TRIM40: variants seen among roughly 807,000 people sequenced by gnomAD.
TRIM40 encodes the protein tripartite motif containing 40.
In TRIM40, 27 loss-of-function variants were observed where a neutral mutation model predicts 26.1. That is an observed-to-expected ratio of 1.04 (90% CI 0.76 to 1.43). The LOEUF (loss-of-function observed/expected upper bound fraction) is 1.43. TRIM40 is among the 40% of genes most tolerant of loss of function. The pLI is 0.00. For missense variants in TRIM40, 289 were observed against 307.9 expected (o/e 0.94, Z 0.46); for synonymous variants, 114 against 120.0 (o/e 0.95, Z 0.33).
Position 30,147,130 on chromosome 6 carries a change from C to T in TRIM40, c.587C>T (p.Ser196Phe), listed in dbSNP as rs752076047. Residue 196 changes from serine (S) to phenylalanine (F), a missense_variant, in exon 4 of 6, where the codon TCC becomes TTC. Ser to Phe is a radical substitution (Grantham distance 155). Transcript: ENST00000396581. ...GAAGCGGCCAGAATCCTTGACATCT[C>T]CAGGGCAGTAACACAGCTCAGAAGC... is the stretch of plus-strand genomic sequence containing the variant. ...PAEAARILDI[S>F]RAVTQLRSLV... is the part of the protein sequence containing the mutation. 26 of 1,614,220 alleles carry T rather than the reference C, an allele frequency of 1.6e-5. 1 individual carries two copies. The Middle Eastern group carries it at 2.1e-3, about 133-fold the overall frequency.
chr6:30,137,196 C>T lies in TRIM40; in HGVS notation c.160C>T (p.Pro54Ser). 6.2e-7 allele frequency: 1 copy of T among 1,613,032 alleles called. No individual in the cohort carries two copies. The highest frequency in any genetic ancestry group is 1.3e-5 in the African/African-American group (1 of 75,030). ...KASASGVFCC[P>S]LCRKPCSEEV... is the part of the protein sequence containing the mutation. Reference sequence around the variant, plus strand: ...CTCAGCCTCTGGGGTCTTCTGCTGCCCCCTCTGCCGGAAGCCCTGTTCTGA... The same window carrying T: ...CTCAGCCTCTGGGGTCTTCTGCTGCTCCCTCTGCCGGAAGCCCTGTTCTGA... Residue 54 changes from proline (P) to serine (S), a missense_variant, in exon 2 of 6, where the codon CCC becomes TCC. By Grantham distance (74) the Pro-to-Ser change is moderately conservative (BLOSUM62 -1). Transcript: ENST00000396581.
At chr6:30,143,097 T>C (rs955842072) in intron 2 of TRIM40, among the ~76,000 whole-genome samples, 1 of 152,018 alleles carries the variant, frequency 6.6e-6, no homozygotes, top group Non-Finnish European at 1.5e-5. Flanking sequence ...ATCATGACTT[T>C]TGGGGGTTTA....
chr6:30,146,046 A>T lies in TRIM40; in HGVS notation c.398A>T (p.Gln133Leu). Residue 133 changes from glutamine (Q) to leucine (L), a missense_variant, in exon 3 of 6, where the codon CAG becomes CTG. Transcript: ENST00000396581. ...CTCAGAAAGGACATTGCAGAACTTCAGCGGCTCAAGGCTCAGCAGGAGAAG... is the reference window on the plus strand; with the variant it reads ...CTCAGAAAGGACATTGCAGAACTTCTGCGGCTCAAGGCTCAGCAGGAGAAG... ...RKLRKDIAEL[Q>L]RLKAQQEKKL... is the part of the protein sequence containing the mutation. 1 of 1,613,072 alleles carries T rather than the reference A, an allele frequency of 6.2e-7. No individual in the cohort carries two copies. Among genetic ancestry groups the T allele is most frequent in the South Asian group, 1.1e-5 (1 of 91,066 alleles).
At chr6:30,145,023 AT>A (rs1771565625) in intron 2 of TRIM40, among the ~76,000 whole-genome samples, 1 of 152,126 alleles carries the variant, frequency 6.6e-6, no homozygotes, top group South Asian at 2.1e-4. Flanking sequence ...TTGTGGTGAC[AT>A]CACTGTCTTC....
chr6:30,145,938 C>T (rs1562098156), intron 2 of TRIM40, 56 bp from the exon 3 acceptor site: 1 of 1,421,134 alleles, frequency 7.0e-7, no homozygotes, highest in Non-Finnish European at 9.9e-7. Context: ...TTGACTCCTC[C>T]CAGTGGGTGC....
rs2127428738 is a variant in TRIM40 at position 30,147,846 on chromosome 6, C to T, written c.*34C>T. ...TCCCTGGGACACCTCACTTCAGGCTCACCTCAGCCTCCTCTCTCTCCTTCC... is the reference window on the plus strand; with the variant it reads ...TCCCTGGGACACCTCACTTCAGGCTTACCTCAGCCTCCTCTCTCTCCTTCC... On this transcript the variant is annotated 3_prime_UTR_variant, in exon 6 of 6. Transcript: ENST00000396581. 1.3e-6 allele frequency: 2 copies of T among 1,584,488 alleles called. No individual in the cohort carries two copies. The highest frequency in any genetic ancestry group is 2.2e-5 in the East Asian group (1 of 44,722).
chr6:30,137,518 T>C, intron 2 of TRIM40, 137 bp downstream of exon 2: 1 of 759,860 alleles, frequency 1.3e-6, no homozygotes, highest in Non-Finnish European at 2.1e-6. Flanking sequence ...CATCCTGTTT[T>C]GGACCCTTGT....
At chr6:30,145,138 C>A (rs1009424211) in intron 2 of TRIM40, among the ~76,000 whole-genome samples, 2 of 151,948 alleles carry the variant, frequency 1.3e-5, no homozygotes, top group Non-Finnish European at 2.9e-5. Context: ...CTGGAAAGAA[C>A]TTTCAGTTGT....
At chr6:30,146,742 C>G (rs1363023993) in intron 3 of TRIM40, among the ~76,000 whole-genome samples, 4 of 152,204 alleles carry the variant, frequency 2.6e-5, no homozygotes, top group Admixed American at 1.3e-4. Context: ...CTCTGACAGT[C>G]TACCTTTCTA....
In TRIM40 at chr6:30,136,804, AT is replaced by A; in HGVS notation, c.-230del. On this transcript the variant is annotated 5_prime_UTR_variant, in exon 2 of 6. An upstream open reading frame in the 5' UTR loses its in-frame stop. Transcript: ENST00000396581. ...GGGTCCATGTCAAAGCTGATGAGCTATTTCTGAAACTCGTGCAGAATTGTGG... is the reference window on the plus strand; with the variant it reads ...GGGTCCATGTCAAAGCTGATGAGCTATTCTGAAACTCGTGCAGAATTGTGG... The A allele has an allele frequency of 5.4e-6, 3 of 558,632 alleles. No individual in the cohort carries two copies. Among genetic ancestry groups the A allele is most frequent in the Non-Finnish European group, 9.5e-6 (3 of 314,830 alleles). 34.6% of individuals were successfully genotyped at this position (558,632 alleles called of 1,614,324 possible). A position where few individuals can be genotyped will look rare whatever the true frequency, so the allele number is the denominator to read the frequency against.
rs1455683735 is a variant in TRIM40 at position 30,136,944 on chromosome 6, C to T, written c.-93C>T. On this transcript the variant is annotated 5_prime_UTR_variant, in exon 2 of 6. Transcript: ENST00000396581. ...GGCTGCCTCCTTCCGACTGGGCCTTCTTATCTGGGACTGTTGAGGGCAACA... is the reference window on the plus strand; with the variant it reads ...GGCTGCCTCCTTCCGACTGGGCCTTTTTATCTGGGACTGTTGAGGGCAACA... The T allele has an allele frequency of 7.5e-7, 1 of 1,333,158 alleles. No homozygotes were observed. Among genetic ancestry groups the T allele is most frequent in the East Asian group, 2.4e-5 (1 of 41,298 alleles). The allele number at this position is 1,333,158 out of a possible 1,614,324, so 82.6% of individuals were successfully genotyped here. A position where few individuals can be genotyped will look rare whatever the true frequency, so the allele number is the denominator to read the frequency against.
chr6:30,144,430 T>A (rs1212609563), intron 2 of TRIM40, among the ~76,000 whole-genome samples: 1 of 152,062 alleles, frequency 6.6e-6, no homozygotes, highest in Non-Finnish European at 1.5e-5. Context: ...CTTGGAAGCA[T>A]GAGATGGATT....
In TRIM40 at chr6:30,138,860, G is replaced by A. The variant is rs563096172; in HGVS notation, c.345+1479G>A. ...ACATGTTATGATACAGAATGAGAAAGTGGGGAGTCCAGATTAAAAGTGACT... is the reference window on the plus strand; with the variant it reads ...ACATGTTATGATACAGAATGAGAAAATGGGGAGTCCAGATTAAAAGTGACT... On this transcript the variant is annotated intron_variant, in intron 2 of 5. Transcript: ENST00000396581. 5.3e-5 allele frequency among the ~76,000 whole-genome samples: 8 copies of A among 152,306 alleles called. No individual in the cohort carries two copies. In the East Asian group the frequency reaches 1.4e-3, roughly 26 times the overall value.
At chr6:30,143,203 G>T (rs547737644) in intron 2 of TRIM40, among the ~76,000 whole-genome samples, 72 of 152,092 alleles carry the variant, frequency 4.7e-4, no homozygotes, top group African/African-American at 1.7e-3. Flanking sequence ...AACCTCATGT[G>T]CCCTGACTCT....
rs748413092 is a variant in TRIM40, at chr6:30,137,068, A to C, written c.32A>C (p.Glu11Ala). ...CCTTTGCAGAAGGACAACCAGGAGG[A>C]GGGTGTCTGCCCCATCTGCCAGGAG... Reference protein sequence around the residue: MIPLQKDNQEEGVCPICQESL... With the variant: MIPLQKDNQEAGVCPICQESL... Residue 11 changes from glutamate to alanine, a missense_variant, in exon 2 of 6, where the codon GAG becomes GCG. Glu to Ala is a moderately radical substitution (Grantham distance 107). Coordinates refer to ENST00000396581, the MANE Select transcript of TRIM40 (RefSeq NM_001286633.2). 5.1e-5 allele frequency: 83 copies of C among 1,612,904 alleles called. No individual in the cohort carries two copies. The highest frequency in any genetic ancestry group is 3.3e-4 in the Middle Eastern group (2 of 6,084).
chr6:30,138,806 G>T (rs187277465), intron 2 of TRIM40, among the ~76,000 whole-genome samples: 1 of 152,292 alleles, frequency 6.6e-6, no homozygotes, highest in Non-Finnish European at 1.5e-5. Context: ...CAAAGCTGAG[G>T]TAGCTTTGAG....
intron 2 of TRIM40, among the ~76,000 whole-genome samples, chr6:30,140,394 A>G (rs1283366622): frequency 6.6e-6 from 1 of 152,234 alleles, no homozygotes; most frequent in African/African-American, 2.4e-5. Context: ...GCAGCCATAA[A>G]AACAGATGAG....
At chr6:30,139,624 G>A (rs1771224266) in intron 2 of TRIM40, among the ~76,000 whole-genome samples, 2 of 152,040 alleles carry the variant, frequency 1.3e-5, no homozygotes, top group African/African-American at 4.8e-5. Flanking sequence ...CTTTTTATTA[G>A]TTAGGAAGAA....
chr6:30,142,784 T>C (rs1276409225), intron 2 of TRIM40, among the ~76,000 whole-genome samples: 2 of 152,270 alleles, frequency 1.3e-5, no homozygotes, highest in East Asian at 1.9e-4. Flanking sequence ...AAAATATTTA[T>C]ATAACAGTGA....
Sources: gnomAD v4.1 joint callset for allele counts (sites outside exome capture counted in the v4.1 genomes callset) on GRCh38, gnomAD v4.1.1 for gene constraint, MANE v1.5 for transcripts, NCBI Gene and HGNC (gene_info 2026-07-23, HGNC 2026-07-21) for gene names.